Variants in PPP6C observed in about 807,000 individuals in gnomAD.
The protein encoded by PPP6C is protein phosphatase 6 catalytic subunit, also known as serine/threonine-protein phosphatase 6 catalytic subunit.
Under a neutral mutation model 39.8 loss-of-function variants are expected in PPP6C, and 11 were observed. The ratio of observed to expected loss-of-function variants is 0.28; its 90% CI spans 0.17 to 0.46. The LOEUF (loss-of-function observed/expected upper bound fraction) is 0.46. Ranked by LOEUF, PPP6C falls within the 20% of genes least tolerant of loss-of-function variation. The pLI, the probability that PPP6C is intolerant of heterozygous loss-of-function variation, is 1.00. For synonymous variants in PPP6C, 129 were observed against 130.3 expected, an observed-to-expected ratio of 0.99 and a Z score of 0.07; for missense variants, 211 against 373.9, an observed-to-expected ratio of 0.56 and a Z score of 3.59.
chr9:125,151,226 A>T (rs1349300489), intron 6 of PPP6C: 2 of 1,508,944 alleles, frequency 1.3e-6, no homozygotes, highest in African/African-American at 2.7e-5. Flanking sequence ...ATTCACAAAG[A>T]AGGCCAATGA....
At chr9:125,154,124 G>T in intron 4 of PPP6C, 139 bp from the exon 5 acceptor site, 1 of 656,734 alleles carries the variant, frequency 1.5e-6, no homozygotes, top group Non-Finnish European at 2.6e-6. Context: ...ATTTAGTCCT[G>T]CTAGGACCTC....
Position 125,160,844 on chromosome 9 carries a change from A to C in PPP6C, c.234T>G (p.Phe78Leu). The C allele has an allele frequency of 6.3e-7, 1 of 1,579,706 alleles. No individual in the cohort carries two copies. The highest frequency in any genetic ancestry group is 8.6e-7 in the Non-Finnish European group (1 of 1,162,674). ...GGQVPDTNYI[F>L]MGDFVDRGYY... ...GATATCACTGGTGTTTACATACCAT[A>C]AATATGTAGTTTGTGTCAGGAACCT... Residue 78 changes from phenylalanine (F) to leucine (L), a missense_variant, in exon 3 of 7, where the codon TTT (phenylalanine) becomes TTG (leucine). Coordinates refer to ENST00000373547, the MANE Select transcript of PPP6C (RefSeq NM_002721.5).
intron 1 of PPP6C, among the ~76,000 whole-genome samples, chr9:125,173,622 T>A (rs912769809): frequency 3.3e-5 from 5 of 151,860 alleles, no homozygotes; most frequent in African/African-American, 1.2e-4. Flanking sequence ...GAGCCTTTTT[T>A]AATTTTATTT....
chr9:125,153,437 A>G, intron 6 of PPP6C, 96 bp downstream of exon 6: 1 of 1,136,664 alleles, frequency 8.8e-7, no homozygotes, highest in Non-Finnish European at 1.3e-6. Flanking sequence ...TATTTTGAGT[A>G]AGCTAGACTA....
intron 1 of PPP6C, among the ~76,000 whole-genome samples, chr9:125,176,243 T>C (rs1829295082): frequency 6.6e-6 from 1 of 152,160 alleles, no homozygotes; most frequent in Non-Finnish European, 1.5e-5. Flanking sequence ...CAGGAGAGCA[T>C]CACAGAATTA....
At chr9:125,159,707 A>C (rs990977077) in intron 3 of PPP6C, among the ~76,000 whole-genome samples, 1 of 152,180 alleles carries the variant, frequency 6.6e-6, no homozygotes, top group Non-Finnish European at 1.5e-5. Flanking sequence ...ACCAATAGGA[A>C]AACAGCTGAA....
At chr9:125,157,263 G>A (rs1184528922) in intron 4 of PPP6C, among the ~76,000 whole-genome samples, 1 of 151,948 alleles carries the variant, frequency 6.6e-6, no homozygotes, top group Non-Finnish European at 1.5e-5. Flanking sequence ...TTACAGGGGT[G>A]AGCCACTGCG....
rs757334755 is a variant in PPP6C at position 125,148,131 on chromosome 9, A to G, written c.*1542T>C. ...CAATTAATAAAAGAAAACCCTGATG[A>G]AAAATTATATGCCAAGAAGCTTAGA... On this transcript the variant is annotated 3_prime_UTR_variant, in exon 7 of 7. Coordinates refer to ENST00000373547, the MANE Select transcript of PPP6C (RefSeq NM_002721.5). 3 of 185,922 alleles carry G rather than the reference A, an allele frequency of 1.6e-5. No homozygotes were observed. Among genetic ancestry groups the G allele is most frequent in the Non-Finnish European group, 3.4e-5 (3 of 88,584 alleles). 11.5% of individuals were successfully genotyped at this position (185,922 alleles called of 1,614,324 possible). A position where few individuals can be genotyped will look rare whatever the true frequency, so the allele number is the denominator to read the frequency against.
intron 1 of PPP6C, among the ~76,000 whole-genome samples, chr9:125,177,026 A>C (rs1829313850): frequency 6.6e-6 from 1 of 152,166 alleles, no homozygotes; most frequent in Non-Finnish European, 1.5e-5. Context: ...ACCCCTGTAA[A>C]TAGACTATTT....
rs1835890579 is a variant in PPP6C at position 125,149,664 on chromosome 9, G to A, written c.*9C>T. 6.2e-7 allele frequency: 1 copy of A among 1,612,438 alleles called. No homozygotes were observed. Among genetic ancestry groups the A allele is most frequent in the African/African-American group, 1.3e-5 (1 of 74,918 alleles). ...GCAGAAAAATGGGTCAGCAGGATGG[G>A]CGAAGGCCTCAAAGGAAATATGGCG... On this transcript the variant is annotated 3_prime_UTR_variant, in exon 7 of 7. Transcript: ENST00000373547.
intron 6 of PPP6C, chr9:125,151,397 G>A (rs1490203677): frequency 2.1e-5 from 20 of 968,892 alleles, no homozygotes; most frequent in Non-Finnish European, 3.4e-5. Flanking sequence ...AATCTTCTCT[G>A]GTCCAGCTAT....
At chr9:125,177,697 T>C (rs1179053644) in intron 1 of PPP6C, among the ~76,000 whole-genome samples, 1 of 152,158 alleles carries the variant, frequency 6.6e-6, no homozygotes, top group African/African-American at 2.4e-5. Flanking sequence ...CCAAAGGCCA[T>C]AGTTTGTTTA....
intron 1 of PPP6C, among the ~76,000 whole-genome samples, chr9:125,174,029 G>A (rs1032978162): frequency 2.6e-5 from 4 of 152,160 alleles, no homozygotes; most frequent in African/African-American, 7.2e-5. Flanking sequence ...TCACACCAAC[G>A]TTCTGGAAAA....
chr9:125,189,089 TGGA>T, intron 1 of PPP6C: 2 of 614,156 alleles, frequency 3.3e-6, no homozygotes, highest in South Asian at 4.5e-5. Context: ...AAAAGCAATT[TGGA>T]GGAGTGGCAA....
At chr9:125,164,680 TC>T (rs1239811836) in intron 2 of PPP6C, among the ~76,000 whole-genome samples, 1 of 152,154 alleles carries the variant, frequency 6.6e-6, no homozygotes, top group African/African-American at 2.4e-5. Flanking sequence ...CAAGCAATCC[TC>T]CCACCTCAGC....
chr9:125,168,755 C>CTTATTTT (rs368790182), intron 2 of PPP6C, among the ~76,000 whole-genome samples: 14,645 of 149,068 alleles, frequency 0.098, 978 homozygotes, highest in Non-Finnish European at 0.14. Flanking sequence ...CCACACCCGG[C>CTTATTTT]TTATTTTTTA....
chr9:125,186,420 T>C (rs1198042997), intron 1 of PPP6C, among the ~76,000 whole-genome samples: 1 of 151,994 alleles, frequency 6.6e-6, no homozygotes, highest in Non-Finnish European at 1.5e-5. Context: ...TTTGTCTTGG[T>C]TGCCCAAAAC....
chr9:125,149,701 G>C lies in PPP6C; in HGVS notation c.890C>G (p.Pro297Arg). ...AVPDSERVIPPRTTTPYFL is the reference protein window; with the variant it reads ...AVPDSERVIPRRTTTPYFL ...AAGGAAATATGGCGTTGTCGTTCTG[G>C]GAGGAATAACACGTTCTGAATCTGG... Residue 297 changes from proline to arginine, a missense_variant, in exon 7 of 7, where the codon CCC becomes CGC. This residue lies in a region of PPP6C where 168 missense variants were observed against 342.6 expected (regional missense o/e 0.49). Coordinates refer to ENST00000373547, the MANE Select transcript of PPP6C (RefSeq NM_002721.5). 6.2e-7 allele frequency: 1 copy of C among 1,614,100 alleles called. No homozygotes were observed. The highest frequency in any genetic ancestry group is 1.1e-5 in the South Asian group (1 of 91,074).
chr9:125,185,621 G>C (rs1054265142), intron 1 of PPP6C, among the ~76,000 whole-genome samples: 6 of 151,468 alleles, frequency 4.0e-5, no homozygotes, highest in Admixed American at 1.3e-4. Context: ...TTGAATCCGG[G>C]AGGCGGAGGT....
Sources: allele counts gnomAD v4.1 joint callset (sites outside exome capture counted in the v4.1 genomes callset), GRCh38; gene constraint gnomAD v4.1.1; regional missense constraint gnomAD v4.1.1; transcripts MANE v1.5; gene names NCBI Gene and HGNC (gene_info 2026-07-23, HGNC 2026-07-21).